Variants in SEMA4A observed in about 807,000 individuals in gnomAD.
The protein encoded by SEMA4A is semaphorin 4A.
A neutral mutation model predicts 72.5 loss-of-function variants in SEMA4A; 52 were observed. That is an observed-to-expected ratio of 0.72 (90% CI 0.57 to 0.90). The LOEUF (loss-of-function observed/expected upper bound fraction) is 0.90, where lower values mean the gene tolerates loss of function less well. Among genes scored for constraint, SEMA4A ranks in the 40% least tolerant of loss-of-function variants. SEMA4A has a pLI of 0.00. For missense variants in SEMA4A, 926 were observed against 959.7 expected (o/e 0.96, Z 0.46); for synonymous variants, 369 against 393.1 (o/e 0.94, Z 0.73).
At position 156,160,453 on chromosome 1, in the gene SEMA4A, C is replaced by G. The variant is rs1009009521; in HGVS notation, c.579C>G (p.Leu193=). The stretch of plus-strand genomic sequence containing the variant: ...TCTCCTCCACCCTAGATGGGATGCT[C>G]TATTCTGGTACTATGAACAACTTCC... ...KHTAVLVDGM[L]YSGTMNNFLG... Residue 193 remains leucine, a synonymous_variant, in exon 7 of 15, where the codon CTC becomes CTG. Transcript: ENST00000368285. 1 of 1,613,576 alleles carries G rather than the reference C, an allele frequency of 6.2e-7. No individual in the cohort carries two copies. The highest frequency in any genetic ancestry group is 8.5e-7 in the Non-Finnish European group (1 of 1,179,598).
chr1:156,149,396 C>T (rs1298144336), upstream of SEMA4A, among the ~76,000 whole-genome samples: 1 of 152,168 alleles, frequency 6.6e-6, no homozygotes, highest in Non-Finnish European at 1.5e-5. Context: ...GGGTGTTAGC[C>T]ACAGAAGGCT....
intron 8 of SEMA4A, 31 bp downstream of exon 8, chr1:156,161,060 C>T: frequency 6.2e-7 from 1 of 1,600,998 alleles, no homozygotes; most frequent in Non-Finnish European, 8.5e-7. Flanking sequence ...GCGGGGCTAA[C>T]TGGAGGAGAA....
Position 156,162,975 on chromosome 1 carries a change from T to G in SEMA4A, c.1015T>G (p.Cys339Gly). The change falls in exon 10 of 15, where the codon TGT becomes GGT. Residue 339 changes from cysteine (C) to glycine (G), a missense_variant. Transcript: ENST00000368285. Reference protein sequence around the residue: ...QVGGTRSSAVCAFSLLDIERV... With the variant: ...QVGGTRSSAVGAFSLLDIERV... ...TGGCGGGACCAGGAGCTCTGCGGTT[T>G]GTGCCTTCTCTCTCTTGGACATTGA... 2 of 1,614,090 alleles carry G rather than the reference T, an allele frequency of 1.2e-6. No homozygotes were observed. Among genetic ancestry groups the G allele is most frequent in the Non-Finnish European group, 1.7e-6 (2 of 1,180,038 alleles).
chr1:156,170,619 T>C (rs1223092498), intron 10 of SEMA4A, among the ~76,000 whole-genome samples: 1 of 150,726 alleles, frequency 6.6e-6, no homozygotes, highest in Non-Finnish European at 1.5e-5. Context: ...CCAGGCGTGG[T>C]GGCGGGCGCC....
chr1:156,176,735 C>A lies in SEMA4A; in HGVS notation c.2024C>A (p.Ala675Asp). 6.2e-7 allele frequency: 1 copy of A among 1,613,024 alleles called. No individual in the cohort carries two copies. The highest frequency in any genetic ancestry group is 8.5e-7 in the Non-Finnish European group (1 of 1,179,086). The change falls in exon 15 of 15, where the codon GCT (alanine) becomes GAT (aspartate). Residue 675 changes from alanine to aspartate, a missense_variant. Physicochemically the swap from Ala to Asp is moderately radical, Grantham distance 126 (BLOSUM62 -2). Transcript: ENST00000368285. ...AGGGTCAGTGGTGGGGCCGCCCTGG[C>A]TGCCCAGCAGTCCTACTGGCCCCAC... ...LTRVSGGAAL[A>D]AQQSYWPHFV...
In SEMA4A at chr1:156,177,083, C is replaced by A; in HGVS notation, c.*86C>A. On this transcript the variant is annotated 3_prime_UTR_variant, in exon 15 of 15. Transcript: ENST00000368285. ...AGCACAGCCCTGACTAGGATGACAG[C>A]AGCACAAAAGACCACCTTTCTCCCC... is the stretch of plus-strand genomic sequence containing the variant. 1.7e-6 allele frequency: 2 copies of A among 1,202,806 alleles called. No individual in the cohort carries two copies. Among genetic ancestry groups the A allele is most frequent in the Non-Finnish European group, 2.4e-6 (2 of 829,652 alleles). 74.5% of individuals were successfully genotyped at this position (1,202,806 alleles called of 1,614,324 possible).
At position 156,163,016 on chromosome 1, in the gene SEMA4A, G is replaced by A; in HGVS notation, c.1056G>A (p.Gly352=). Residue 352 remains glycine, a synonymous_variant, in exon 10 of 15, where the codon GGG becomes GGA. Transcript: ENST00000368285. ...SLLDIERVFK[G]KYKELNKETS... is the part of the protein sequence containing the mutation. ...TGGACATTGAACGTGTCTTTAAGGG[G>A]AAATACAAAGAGTTGAACAAAGAAA... 1 of 1,614,164 alleles carries A rather than the reference G, an allele frequency of 6.2e-7. No homozygotes were observed. The highest frequency in any genetic ancestry group is 1.1e-5 in the South Asian group (1 of 91,084).
upstream of SEMA4A, among the ~76,000 whole-genome samples, chr1:156,152,803 G>A (rs1000609090): frequency 6.6e-6 from 1 of 152,178 alleles, no homozygotes; most frequent in South Asian, 2.1e-4. Flanking sequence ...GATGGAAGTG[G>A]ATTATTTATT....
rs866875351 is a variant in SEMA4A, at chr1:156,157,786, T to C, written c.301-284T>C. Among the ~76,000 whole-genome samples the C allele has an allele frequency of 6.6e-6, 1 of 152,342 alleles. No homozygotes were observed. Among genetic ancestry groups the C allele is most frequent in the Non-Finnish European group, 1.5e-5 (1 of 68,040 alleles). Reference sequence around the variant, plus strand: ...CCTGGTTGTATCTGCCAGTAGCCTATGAAATTGACCAAGATCTCTCAGTCA... The same window carrying C: ...CCTGGTTGTATCTGCCAGTAGCCTACGAAATTGACCAAGATCTCTCAGTCA... On this transcript the variant is annotated intron_variant, in intron 3 of 14. Transcript: ENST00000368285. This position sits in a 1 kb window ranked among gnomAD's most constrained non-coding sequence, Gnocchi z 4.5.
At chr1:156,162,148 C>G (rs1653722590) in intron 9 of SEMA4A, among the ~76,000 whole-genome samples, 1 of 152,214 alleles carries the variant, frequency 6.6e-6, no homozygotes, top group Non-Finnish European at 1.5e-5. Flanking sequence ...GTAGTCCCAG[C>G]TACTCGTGAG....
rs372014873 is a variant in SEMA4A at position 156,156,571 on chromosome 1, C to T, written c.297C>T (p.Asn99=). Residue 99 remains asparagine (N), a synonymous_variant, in exon 3 of 15, where the codon AAC becomes AAT. Transcript: ENST00000368285. ...ATCCAGGGGTCCCCAGGCTAAAGAA[C>T]ATGGTGAGGAGTCCAGGGATAAAGA... ...IQDPGVPRLK[N]MIPWPASDRK... 4 of 1,613,712 alleles carry T rather than the reference C, an allele frequency of 2.5e-6. No individual in the cohort carries two copies. The highest frequency in any genetic ancestry group is 1.7e-5 in the Admixed American group (1 of 59,978).
intron 10 of SEMA4A, among the ~76,000 whole-genome samples, chr1:156,170,932 T>TA (rs1654713477): frequency 6.7e-6 from 1 of 149,402 alleles, no homozygotes; most frequent in African/African-American, 2.5e-5. Context: ...AAACAATTTT[T>TA]TAAAAAAAAA....
intron 2 of SEMA4A, chr1:156,155,225 C>G (rs1480716773): frequency 6.2e-6 from 1 of 160,972 alleles, no homozygotes; most frequent in Admixed American, 5.9e-5. Context: ...CACACAAGCA[C>G]AGCTTGGCTG....
rs1464548237 is a variant in SEMA4A at position 156,176,643 on chromosome 1, C to G, written c.1932C>G (p.Asp644Glu). 1 of 1,614,080 alleles carries G rather than the reference C, an allele frequency of 6.2e-7. No individual in the cohort carries two copies. The highest frequency in any genetic ancestry group is 1.7e-5 in the Admixed American group (1 of 60,004). Residue 644 changes from aspartate (D) to glutamate (E), a missense_variant, in exon 15 of 15, where the codon GAC becomes GAG. By Grantham distance (45) the Asp-to-Glu change is conservative (BLOSUM62 2). Coordinates refer to ENST00000368285, the MANE Select transcript of SEMA4A (RefSeq NM_022367.4). ...TCTCCTACTGGGTGGACAGCCAGGA[C>G]CAGACCCTGGCCCTGGATCCTGAAC... ...PVISYWVDSQDQTLALDPELA... is the reference protein window; with the variant it reads ...PVISYWVDSQEQTLALDPELA...
At chr1:156,159,140 C>T (rs112584210) in intron 6 of SEMA4A, 2 of 375,500 alleles carry the variant, frequency 5.3e-6, no homozygotes, top group African/African-American at 4.2e-5. Flanking sequence ...CTGAGACCAG[C>T]CTGGTAAACA....
chr1:156,148,811 T>TC (rs1652308490), upstream of SEMA4A, among the ~76,000 whole-genome samples: 1 of 149,764 alleles, frequency 6.7e-6, no homozygotes, highest in Non-Finnish European at 1.5e-5. Context: ...CTTTTTTTTT[T>TC]TTTTTTTTGA....
At chr1:156,174,790 A>T in intron 11 of SEMA4A, 32 bp from the exon 12 acceptor site, 1 of 1,614,080 alleles carries the variant, frequency 6.2e-7, no homozygotes, top group South Asian at 1.1e-5. Flanking sequence ...GGATGAGATG[A>T]GATGACTTCC....
upstream of SEMA4A, among the ~76,000 whole-genome samples, chr1:156,148,873 G>A (rs2102915719): frequency 6.6e-6 from 1 of 150,614 alleles, no homozygotes; most frequent in South Asian, 2.1e-4. Context: ...CATGATCTCG[G>A]CTCACTACAA....
chr1:156,168,509 C>T (rs1654397155), intron 10 of SEMA4A, among the ~76,000 whole-genome samples: 3 of 152,214 alleles, frequency 2.0e-5, no homozygotes, highest in Admixed American at 2.0e-4. Flanking sequence ...CAGGCATGAG[C>T]CACCATGCCT....
Sources: gnomAD v4.1 joint callset for allele counts (sites outside exome capture counted in the v4.1 genomes callset) on GRCh38, gnomAD v4.1.1 for gene constraint, Gnocchi (gnomAD v3.1) non-coding constraint, MANE v1.5 for transcripts, NCBI Gene and HGNC (gene_info 2026-07-23, HGNC 2026-07-21) for gene names.